The following NMBR variants were observed in gnomAD, a reference collection of about 807,000 sequenced individuals.
NMBR encodes the protein neuromedin-B receptor.
NMBR carries 16 observed loss-of-function variants against 20.5 expected under a neutral mutation model. The ratio of observed to expected loss-of-function variants is 0.78; its 90% confidence interval spans 0.53 to 1.19. The LOEUF is 1.19. Ranked by LOEUF, NMBR falls within the 50% of genes most tolerant of loss-of-function variation. NMBR has a pLI of 0.00. For missense variants in NMBR, 582 were observed against 499.1 expected (o/e 1.17, Z -1.58); for synonymous variants, 212 against 196.6 (o/e 1.08, Z -0.65).
At chr6:142,107,746 A>T (rs1361817767) in intron 1 of NMBR, among the ~76,000 whole-genome samples, 1 of 152,316 alleles carries the variant, frequency 6.6e-6, no homozygotes, top group Non-Finnish European at 1.5e-5. Context: ...AGAGAATCCA[A>T]ATGTCAAACT....
chr6:142,093,869 C>A (rs1271742853), intron 1 of NMBR, among the ~76,000 whole-genome samples: 5 of 151,956 alleles, frequency 3.3e-5, no homozygotes, highest in South Asian at 2.1e-4. Flanking sequence ...ATGGTATCTC[C>A]TTGTGGTTTT....
chr6:142,140,638 C>G (rs1163749901), intron 1 of NMBR, among the ~76,000 whole-genome samples: 1 of 151,990 alleles, frequency 6.6e-6, no homozygotes, highest in Non-Finnish European at 1.5e-5. Context: ...TTTTAAAAGC[C>G]AGACCAAATT....
chr6:142,086,077 G>T (rs1777193458), intron 2 of NMBR, among the ~76,000 whole-genome samples: 1 of 146,896 alleles, frequency 6.8e-6, no homozygotes. Context: ...TTTTAAGTCT[G>T]CTGGTAAATA....
chr6:142,088,028 A>G (rs879555404), intron 2 of NMBR, among the ~76,000 whole-genome samples: 1 of 151,900 alleles, frequency 6.6e-6, no homozygotes, highest in Admixed American at 6.6e-5. Flanking sequence ...AAAACATAGT[A>G]ATTTTCTTAT....
At chr6:142,108,618 T>C (rs1043893422) in intron 1 of NMBR, among the ~76,000 whole-genome samples, 2 of 152,086 alleles carry the variant, frequency 1.3e-5, no homozygotes, top group African/African-American at 4.8e-5. Flanking sequence ...AAGAACAGCA[T>C]GGAGGTAACC....
intron 1 of NMBR, among the ~76,000 whole-genome samples, chr6:142,092,730 T>C (rs1439326565): frequency 2.6e-5 from 4 of 152,194 alleles, no homozygotes; most frequent in Non-Finnish European, 4.4e-5. Context: ...GAATCCACAG[T>C]GAGCCTGGAA....
chr6:142,093,145 A>AT (rs529317300), intron 1 of NMBR, among the ~76,000 whole-genome samples: 3 of 151,200 alleles, frequency 2.0e-5, no homozygotes, highest in Non-Finnish European at 4.4e-5. Context: ...AAACTTAAGA[A>AT]TTTTTTTTCT....
chr6:142,117,728 A>G (rs916280762), intron 1 of NMBR, among the ~76,000 whole-genome samples: 3 of 152,016 alleles, frequency 2.0e-5, no homozygotes, highest in Admixed American at 6.6e-5. Context: ...TACATATTTC[A>G]ATAATGTCAA....
intron 1 of NMBR, among the ~76,000 whole-genome samples, chr6:142,106,179 G>C (rs1777658764): frequency 6.6e-6 from 1 of 152,042 alleles, no homozygotes; most frequent in Non-Finnish European, 1.5e-5. Flanking sequence ...GGTCTAAAGG[G>C]GTCAGAACAG....
intron 1 of NMBR, among the ~76,000 whole-genome samples, chr6:142,115,317 T>C (rs1380119546): frequency 6.6e-6 from 1 of 152,046 alleles, no homozygotes; most frequent in Non-Finnish European, 1.5e-5. Context: ...TAAAAGAGGA[T>C]CTTTTTAGAA....
chr6:142,127,970 A>C (rs1303185605), intron 1 of NMBR, among the ~76,000 whole-genome samples: 1 of 151,954 alleles, frequency 6.6e-6, no homozygotes, highest in African/African-American at 2.4e-5. Context: ...TCTGATTTAA[A>C]TGTTGATATG....
At chr6:142,128,468 G>GT (rs1430507243) in intron 1 of NMBR, among the ~76,000 whole-genome samples, 1 of 151,846 alleles carries the variant, frequency 6.6e-6, no homozygotes, top group African/African-American at 2.4e-5. Context: ...AAAGCTTGCA[G>GT]TTTTTTTTCC....
chr6:142,077,063 A>C (rs981257760), intron 3 of NMBR, among the ~76,000 whole-genome samples: 45 of 152,230 alleles, frequency 3.0e-4, no homozygotes, highest in African/African-American at 1.0e-3. Flanking sequence ...GGCATAAGTT[A>C]GGCAACCCAA....
At chr6:142,095,269 G>A (rs1313510020) in intron 1 of NMBR, among the ~76,000 whole-genome samples, 1 of 152,142 alleles carries the variant, frequency 6.6e-6, no homozygotes, top group African/African-American at 2.4e-5. Context: ...TGCCCATTCA[G>A]TATGATATTG....
At chr6:142,121,466 C>A (rs1362106604) in intron 1 of NMBR, among the ~76,000 whole-genome samples, 2 of 151,982 alleles carry the variant, frequency 1.3e-5, no homozygotes, top group East Asian at 1.9e-4. Context: ...AGGAAAAATT[C>A]TTGAAGGAAA....
chr6:142,087,669 G>A (rs1777224741), intron 2 of NMBR, among the ~76,000 whole-genome samples: 1 of 152,266 alleles, frequency 6.6e-6, no homozygotes, highest in South Asian at 2.1e-4. Context: ...TAAACAAGAA[G>A]AATGTGAAAA....
At chr6:142,132,907 A>T (rs1778170534) in intron 1 of NMBR, among the ~76,000 whole-genome samples, 2 of 152,020 alleles carry the variant, frequency 1.3e-5, no homozygotes, top group South Asian at 4.1e-4. Context: ...AAGTCAAGGG[A>T]TTATTAGATT....
chr6:142,109,360 A>G (rs1487573082), intron 1 of NMBR, among the ~76,000 whole-genome samples: 1 of 152,180 alleles, frequency 6.6e-6, no homozygotes, highest in Non-Finnish European at 1.5e-5. Context: ...GGTCAGAAGT[A>G]AGAAAAAGAT....
Position 142,082,257 on chromosome 6 carries a change from C to T in NMBR, c.423-3354G>A, listed in dbSNP as rs111525493. On this transcript the variant is annotated intron_variant, in intron 2 of 3. Transcript: ENST00000258042. ...CATGATAAGAGAAAGGTCTTGCTCACTGTTATATCTCTAATACACAACACA... is the reference window on the plus strand; with the variant it reads ...CATGATAAGAGAAAGGTCTTGCTCATTGTTATATCTCTAATACACAACACA... 3.8e-3 allele frequency among the ~76,000 whole-genome samples: 582 copies of T among 152,220 alleles called. 5 individuals are homozygous for T. Among genetic ancestry groups the T allele is most frequent in the African/African-American group, 0.013 (552 of 41,550 alleles).
Sources: allele counts gnomAD v4.1 joint callset (sites outside exome capture counted in the v4.1 genomes callset), GRCh38; gene constraint gnomAD v4.1.1; transcripts MANE v1.5; gene names NCBI Gene and HGNC (gene_info 2026-07-23, HGNC 2026-07-21).